Variants in RBM22 observed in about 807,000 individuals in gnomAD.
RBM22 encodes RNA binding motif protein 22.
In RBM22, 1 loss-of-function variant was observed where a neutral mutation model predicts 50.1. That is an observed-to-expected ratio of 0.02 (90% confidence interval 0.01 to 0.09). The LOEUF (loss-of-function observed/expected upper bound fraction) is 0.09, where lower values mean the gene tolerates loss of function less well. RBM22 is among the 10% of genes least tolerant of loss of function. RBM22 has a pLI of 1.00. For synonymous variants in RBM22, 152 were observed against 179.0 expected (o/e 0.85, Z 1.20); for missense variants, 264 against 529.3 (o/e 0.50, Z 4.92).
intron 9 of RBM22, 67 bp downstream of exon 9, chr5:150,693,152 C>A: frequency 6.4e-7 from 1 of 1,556,640 alleles, no homozygotes; most frequent in Non-Finnish European, 8.8e-7. Flanking sequence ...GACCTGGGTC[C>A]CATCTTCCAA....
At chr5:150,699,191 G>T in intron 3 of RBM22, 51 bp downstream of exon 3, 1 of 1,559,012 alleles carries the variant, frequency 6.4e-7, no homozygotes, top group South Asian at 1.2e-5. Context: ...TAATTTGGTA[G>T]AGAAAAGAAA....
chr5:150,695,982 C>T (rs995631722), intron 6 of RBM22, among the ~76,000 whole-genome samples: 3 of 148,194 alleles, frequency 2.0e-5, no homozygotes, highest in African/African-American at 2.5e-5. Flanking sequence ...ATGATCCACC[C>T]CCTCCCGCCC....
rs922155334 is a variant in RBM22, at chr5:150,696,174, G to A, written c.545+359C>T. Among the ~76,000 whole-genome samples, 1 of 151,702 alleles carries A rather than the reference G, an allele frequency of 6.6e-6. No homozygotes were observed. The highest frequency in any genetic ancestry group is 6.6e-5 in the Admixed American group (1 of 15,200). On this transcript the variant is annotated intron_variant, in intron 6 of 10. Transcript: ENST00000199814. This position sits in a 1 kb window ranked among gnomAD's most constrained non-coding sequence, Gnocchi z 4.3. ...TTAAGAACTCCTAATCCAGATGCTT[G>A]GCAGTCTTAACCAAAACATACACAC...
At chr5:150,692,709 GC>G (rs1759223508) in intron 10 of RBM22, among the ~76,000 whole-genome samples, 185 bp downstream of exon 10, 1 of 151,988 alleles carries the variant, frequency 6.6e-6, no homozygotes, top group Non-Finnish European at 1.5e-5. Flanking sequence ...TAGAAAACTG[GC>G]CCCTTTCTTC....
In RBM22 at chr5:150,695,712, A is replaced by G. The variant is rs1414796148; in HGVS notation, c.546-6T>C. The G allele has an allele frequency of 1.2e-6, 2 of 1,600,386 alleles. No individual in the cohort carries two copies. Among genetic ancestry groups the G allele is most frequent in the Non-Finnish European group, 8.5e-7 (1 of 1,172,252 alleles). ...GATCTGTAGGCTTCTCATGTCTATG[A>G]TTCAAGAAAAAAACAAGGCATAAAG... is the stretch of plus-strand genomic sequence containing the variant. On this transcript the variant is annotated splice_polypyrimidine_tract_variant and splice_region_variant and intron_variant, in intron 6 of 10. Coordinates refer to ENST00000199814, the MANE Select transcript of RBM22 (RefSeq NM_018047.3).
Position 150,696,453 on chromosome 5 carries a change from AAC to A in RBM22, c.545+78_545+79del. 7.0e-7 allele frequency: 1 copy of A among 1,433,778 alleles called. No individual in the cohort carries two copies. 88.8% of individuals were successfully genotyped at this position (1,433,778 alleles called of 1,614,324 possible). ...TATGACCTTTAGATTTTAAAGCAGA[AAC>A]AGTTTAAGTTAGGACCTCCCACTTC... On this transcript the variant is annotated intron_variant, in intron 6 of 10. Transcript: ENST00000199814. This position sits in a 1 kb window ranked among gnomAD's most constrained non-coding sequence, Gnocchi z 4.3.
rs749586284 is a variant in RBM22, at chr5:150,700,877, G to A, written c.54+55C>T. 4.3e-6 allele frequency: 7 copies of A among 1,614,006 alleles called. No individual in the cohort carries two copies. The East Asian group carries it at 1.3e-4, about 31-fold the overall frequency. On this transcript the variant is annotated intron_variant, in intron 1 of 10. Coordinates refer to ENST00000199814, the MANE Select transcript of RBM22 (RefSeq NM_018047.3). ...GCCGCAGGCCCTGTCCTGCCAGCTT[G>A]CAAGGTGCGCGGCTTCGCCTCCTCC...
At position 150,690,942 on chromosome 5, in the gene RBM22, A is replaced by G. The variant is rs1759199374; in HGVS notation, c.*809T>C. ...GAAGACACACGAAGGTGAATGCTGA[A>G]GACCATCAGAGTCCCAGCAGGAGGT... On this transcript the variant is annotated 3_prime_UTR_variant, in exon 11 of 11. Coordinates refer to ENST00000199814, the MANE Select transcript of RBM22 (RefSeq NM_018047.3). 1 of 152,368 alleles carries G rather than the reference A, an allele frequency of 6.6e-6. No individual in the cohort carries two copies. Among genetic ancestry groups the G allele is most frequent in the Non-Finnish European group, 1.5e-5 (1 of 68,036 alleles). 9.4% of individuals were successfully genotyped at this position (152,368 alleles called of 1,614,324 possible).
intron 8 of RBM22, 138 bp downstream of exon 8, chr5:150,693,938 G>C (rs1020414872): frequency 9.0e-7 from 1 of 1,113,854 alleles, no homozygotes; most frequent in Middle Eastern, 3.0e-4. Flanking sequence ...GTATCACATA[G>C]AGAGTGATCT....
chr5:150,695,647 T>A lies in RBM22; in HGVS notation c.605A>T (p.Tyr202Phe), dbSNP rs1268661439. The change falls in exon 7 of 11, where the codon TAT becomes TTT. Residue 202 changes from tyrosine (Y) to phenylalanine (F), a missense_variant. This residue lies in a region of RBM22 where 62 missense variants were observed against 102.6 expected (regional missense o/e 0.60). Transcript: ENST00000199814. ...AGCTACAGGATCATTGATTCCGTAA[T>A]AACGGTCTTTAATATTCTGATCAGC... ...PLADQNIKDR[Y>F]YGINDPVADK... 2 of 1,612,348 alleles carry A rather than the reference T, an allele frequency of 1.2e-6. No individual in the cohort carries two copies. Among genetic ancestry groups the A allele is most frequent in the Admixed American group, 1.7e-5 (1 of 59,982 alleles).
In RBM22 at chr5:150,693,322, T is replaced by A. The variant is rs776232666; in HGVS notation, c.912-15A>T. The A allele has an allele frequency of 6.2e-6, 10 of 1,602,530 alleles. No homozygotes were observed. Among genetic ancestry groups the A allele is most frequent in the African/African-American group, 2.7e-5 (2 of 74,704 alleles). On this transcript the variant is annotated splice_polypyrimidine_tract_variant and intron_variant, in intron 8 of 10. Transcript: ENST00000199814. Reference sequence around the variant, plus strand: ...CTGCCTGGGATCTGGGAAACACACATGCATACAGTCGGCACTCTGGCCCAC... The same window carrying A: ...CTGCCTGGGATCTGGGAAACACACAAGCATACAGTCGGCACTCTGGCCCAC...
chr5:150,700,835 G>A (rs750171408), intron 1 of RBM22, 97 bp downstream of exon 1: 4 of 1,610,662 alleles, frequency 2.5e-6, no homozygotes, highest in South Asian at 1.1e-5. Flanking sequence ...GCTCCTCCCC[G>A]GTATTCCTTC....
At chr5:150,692,138 A>G (rs544782650) in intron 10 of RBM22, among the ~76,000 whole-genome samples, 1 of 152,334 alleles carries the variant, frequency 6.6e-6, no homozygotes, top group Non-Finnish European at 1.5e-5. Context: ...TGTATCCAAC[A>G]TGCCAAATCC....
In RBM22 at chr5:150,691,381, T is replaced by C. The variant is rs1759206467; in HGVS notation, c.*370A>G. The C allele has an allele frequency of 6.3e-6, 1 of 159,744 alleles. No homozygotes were observed. Among genetic ancestry groups the C allele is most frequent in the Non-Finnish European group, 1.4e-5 (1 of 73,324 alleles). The allele number at this position is 159,744 out of a possible 1,614,324, so 9.9% of individuals were successfully genotyped here. ...ATGGACATAAAAATGGTCAAAGGTT[T>C]TTTTACTGCAGGTCAATTTTTCCCC... On this transcript the variant is annotated 3_prime_UTR_variant, in exon 11 of 11. Coordinates refer to ENST00000199814, the MANE Select transcript of RBM22 (RefSeq NM_018047.3).
intron 8 of RBM22, 57 bp downstream of exon 8, chr5:150,694,019 G>T: frequency 6.3e-7 from 1 of 1,579,820 alleles, no homozygotes; most frequent in Non-Finnish European, 8.6e-7. Flanking sequence ...TCCAGAAAAT[G>T]AAATAGTTTC....
rs867171275 is a variant in RBM22, at chr5:150,695,637, G to A, written c.615C>T (p.Ile205=). 8.1e-6 allele frequency: 13 copies of A among 1,612,912 alleles called. No individual in the cohort carries two copies. Among genetic ancestry groups the A allele is most frequent in the Non-Finnish European group, 1.1e-5 (13 of 1,179,578 alleles). The change falls in exon 7 of 11, where the codon ATC becomes ATT. Residue 205 remains isoleucine, a synonymous_variant. Transcript: ENST00000199814. ...DQNIKDRYYG[I]NDPVADKLLK... ...GAAGCTTGTCAGCTACAGGATCATT[G>A]ATTCCGTAATAACGGTCTTTAATAT...
chr5:150,694,062 A>T lies in RBM22; in HGVS notation c.911+14T>A, dbSNP rs745644002. On this transcript the variant is annotated intron_variant, in intron 8 of 10. Transcript: ENST00000199814. ...TCTAAGCAAAATGTCACTTAAAAAT[A>T]GTTTAATTCTCACCTTCCCCATTTC... 2.4e-5 allele frequency: 39 copies of T among 1,605,744 alleles called. No homozygotes were observed. Among genetic ancestry groups the T allele is most frequent in the Non-Finnish European group, 3.3e-5 (39 of 1,176,454 alleles).
chr5:150,701,000 G>C lies in RBM22; in HGVS notation c.-15C>G, dbSNP rs373488528. The C allele has an allele frequency of 6.2e-7, 1 of 1,614,204 alleles. No homozygotes were observed. The highest frequency in any genetic ancestry group is 8.5e-7 in the Non-Finnish European group (1 of 1,180,036). On this transcript the variant is annotated 5_prime_UTR_variant, in exon 1 of 11. Coordinates refer to ENST00000199814, the MANE Select transcript of RBM22 (RefSeq NM_018047.3). ...GAGGTCGCCATCTTGAGAGCGTCCG[G>C]AGGTAGCTGTAGCTTCCGAATTGGG...
chr5:150,698,980 G>T (rs1759310617), intron 3 of RBM22, among the ~76,000 whole-genome samples: 1 of 152,086 alleles, frequency 6.6e-6, no homozygotes, highest in Non-Finnish European at 1.5e-5. Flanking sequence ...TAAAATGCTC[G>T]AGTGGACAGT....
Sources: allele counts gnomAD v4.1 joint callset (sites outside exome capture counted in the v4.1 genomes callset), GRCh38; gene constraint gnomAD v4.1.1; regional missense constraint gnomAD v4.1.1; non-coding constraint Gnocchi (gnomAD v3.1); transcripts MANE v1.5; gene names NCBI Gene and HGNC (gene_info 2026-07-23, HGNC 2026-07-21).